RUFY1: variants seen among roughly 807,000 people sequenced by gnomAD.
RUFY1 encodes RUN and FYVE domain containing 1.
RUFY1 carries 54 observed loss-of-function variants against 94.6 expected under a neutral mutation model. The ratio of observed to expected loss-of-function variants is 0.57; its 90% confidence interval spans 0.46 to 0.72. The LOEUF is 0.72. Ranked by LOEUF, RUFY1 falls within the 30% of genes least tolerant of loss-of-function variation. RUFY1 has a pLI of 0.00. For missense variants in RUFY1, 883 were observed against 883.9 expected (o/e 1.00, Z 0.01); for synonymous variants, 396 against 347.3 (o/e 1.14, Z -1.56).
At chr5:179,579,657 C>CTTTTGTTTTTTTTTTTTTTTT (rs1763942314) in intron 6 of RUFY1, among the ~76,000 whole-genome samples, 1 of 50,548 alleles carries the variant, frequency 2.0e-5, no homozygotes, top group Non-Finnish European at 3.8e-5. Context: ...TTTTCTTCTT[C>CTTTTGTTTTTTTTTTTTTTTT]TTTTTTTTTT....
rs1762928417 is a variant in RUFY1 at position 179,567,652 on chromosome 5, A to C, written c.704+90A>C. 6.5e-5 allele frequency: 56 copies of C among 859,256 alleles called. No individual in the cohort carries two copies. In the South Asian group the frequency reaches 8.2e-4, roughly 13 times the overall value. The allele number at this position is 859,256 out of a possible 1,614,324, so 53.2% of individuals were successfully genotyped here. On this transcript the variant is annotated intron_variant, in intron 4 of 17. Coordinates refer to ENST00000319449, the MANE Select transcript of RUFY1 (RefSeq NM_025158.5). The stretch of plus-strand genomic sequence containing the variant: ...GGTGGCTCACACCTGTAATCCCAGC[A>C]CTTTGGGAGGCCAAGATCAGGTGGA...
chr5:179,565,559 G>C (rs1762776429), intron 3 of RUFY1, among the ~76,000 whole-genome samples: 1 of 151,972 alleles, frequency 6.6e-6, no homozygotes, highest in African/African-American at 2.4e-5. Flanking sequence ...CTGTTTTGTA[G>C]CCTTTTTTCC....
chr5:179,593,066 GTT>G (rs1175862322), intron 10 of RUFY1, among the ~76,000 whole-genome samples: 1 of 152,026 alleles, frequency 6.6e-6, no homozygotes, highest in Non-Finnish European at 1.5e-5. Flanking sequence ...CTCACCTTCA[GTT>G]TGTTTGTTTT....
chr5:179,585,616 C>T (rs1246745137), intron 7 of RUFY1, among the ~76,000 whole-genome samples, 180 bp from the exon 8 acceptor site: 3 of 152,108 alleles, frequency 2.0e-5, no homozygotes, highest in Admixed American at 2.0e-4. Flanking sequence ...CGGGACAAAA[C>T]TTATTGAAAA....
chr5:179,584,361 T>G (rs1467603983), intron 7 of RUFY1, among the ~76,000 whole-genome samples: 2 of 152,158 alleles, frequency 1.3e-5, no homozygotes, highest in African/African-American at 4.8e-5. Context: ...AGCACCCCTT[T>G]GTAGATATGT....
chr5:179,601,971 G>C lies in RUFY1; in HGVS notation c.1841G>C (p.Gly614Ala). 2 of 1,613,576 alleles carry C rather than the reference G, an allele frequency of 1.2e-6. No homozygotes were observed. Among genetic ancestry groups the C allele is most frequent in the Non-Finnish European group, 1.7e-6 (2 of 1,179,716 alleles). Residue 614 changes from glycine to alanine, a missense_variant, in exon 15 of 18, where the codon GGC becomes GCC. Transcript: ENST00000319449. ...EEQEQALQEMGLHLSQSKLKM... is the reference protein window; with the variant it reads ...EEQEQALQEMALHLSQSKLKM... ...CAGGAACAAGCCCTCCAGGAAATGG[G>C]CCTGCACCTCAGCCAGTAAGAACCC...
intron 3 of RUFY1, among the ~76,000 whole-genome samples, chr5:179,563,286 A>G (rs569898725): frequency 5.9e-5 from 9 of 152,178 alleles, no homozygotes; most frequent in African/African-American, 1.4e-4. Flanking sequence ...CCATTTTCAG[A>G]TAATAATAAT....
At chr5:179,584,260 C>T (rs1764423021) in intron 7 of RUFY1, among the ~76,000 whole-genome samples, 2 of 152,140 alleles carry the variant, frequency 1.3e-5, no homozygotes, top group Non-Finnish European at 2.9e-5. Flanking sequence ...CTTTGTCCCC[C>T]ACTCACTGGC....
At chr5:179,588,251 A>G (rs147098499) in intron 8 of RUFY1, among the ~76,000 whole-genome samples, 2 of 152,236 alleles carry the variant, frequency 1.3e-5, no homozygotes, top group East Asian at 3.9e-4. Flanking sequence ...TTGACAGAGA[A>G]AGTGAGGAGT....
intron 5 of RUFY1, 61 bp from the exon 6 acceptor site, chr5:179,577,014 G>A (rs1016262813): frequency 1.5e-5 from 17 of 1,124,814 alleles, no homozygotes; most frequent in Non-Finnish European, 2.2e-5. Context: ...AATTTCAAAG[G>A]TTGTAAAGTT....
chr5:179,602,719 G>T (rs539442966), intron 15 of RUFY1: 1 of 152,240 alleles, frequency 6.6e-6, no homozygotes, highest in Non-Finnish European at 1.5e-5. Context: ...ATCAGGAATC[G>T]GTCTCTGTCT....
At chr5:179,596,967 A>C in intron 13 of RUFY1, 1 of 376,140 alleles carries the variant, frequency 2.7e-6, no homozygotes. Context: ...CCTTTCTAAA[A>C]AGAAACAGCT....
At chr5:179,608,940 G>A (rs1417152175) in intron 17 of RUFY1, among the ~76,000 whole-genome samples, 6 of 148,464 alleles carry the variant, frequency 4.0e-5, no homozygotes, top group Admixed American at 1.3e-4. Flanking sequence ...AAAAAAAGCC[G>A]GGCGCGGTGT....
chr5:179,593,726 C>T (rs1352905491), intron 11 of RUFY1, 81 bp downstream of exon 11: 5 of 1,530,822 alleles, frequency 3.3e-6, no homozygotes, highest in South Asian at 1.3e-5. Flanking sequence ...ACAAAATGAG[C>T]GAGTAGACAC....
chr5:179,574,088 G>A (rs1285267545), intron 5 of RUFY1, among the ~76,000 whole-genome samples: 2 of 151,768 alleles, frequency 1.3e-5, no homozygotes, highest in South Asian at 4.1e-4. Flanking sequence ...CCACCTTTCC[G>A]TGTCAGAATT....
chr5:179,587,894 GAC>G (rs1018768871), intron 8 of RUFY1, among the ~76,000 whole-genome samples: 8 of 151,884 alleles, frequency 5.3e-5, no homozygotes, highest in African/African-American at 1.7e-4. Context: ...TAGCTGTGGT[GAC>G]ACACACCTGT....
chr5:179,573,545 T>A (rs1663762619), intron 5 of RUFY1, among the ~76,000 whole-genome samples: 1 of 152,110 alleles, frequency 6.6e-6, no homozygotes. Context: ...TTTTTTGAGA[T>A]GGAGTCTTAC....
At chr5:179,559,908 C>G (rs550535077) in intron 1 of RUFY1, 117 bp from the exon 2 acceptor site, 2 of 1,450,236 alleles carry the variant, frequency 1.4e-6, no homozygotes, top group African/African-American at 1.4e-5. Context: ...GCCAGCACGT[C>G]CGTTCCCTAA....
chr5:179,583,922 T>TG (rs1764388155), intron 7 of RUFY1, among the ~76,000 whole-genome samples: 1 of 149,912 alleles, frequency 6.7e-6, no homozygotes, highest in South Asian at 2.1e-4. Context: ...GCTAATTTTT[T>TG]GTATTTTAGT....
Sources: allele counts gnomAD v4.1 joint callset (sites outside exome capture counted in the v4.1 genomes callset), GRCh38; gene constraint gnomAD v4.1.1; transcripts MANE v1.5; gene names NCBI Gene and HGNC (gene_info 2026-07-23, HGNC 2026-07-21).